ENTREP2: variants seen among roughly 807,000 people sequenced by gnomAD.
The protein encoded by ENTREP2 is endosomal transmembrane epsin interactor 2.
chr15:29,418,418 C>T, the ENTREP2 span, among the ~76,000 whole-genome samples: 1 of 152,098 alleles, frequency 6.6e-6, no homozygotes, highest in East Asian at 1.9e-4. Context: ...AGTACAGAAG[C>T]CATCTTAGAA....
At chr15:29,565,886 G>A in the ENTREP2 span, among the ~76,000 whole-genome samples, 6 of 151,752 alleles carry the variant, frequency 4.0e-5, no homozygotes, top group African/African-American at 1.2e-4. Context: ...GCATGAACCC[G>A]GGAGGCGGAG....
At chr15:29,664,549 G>GT in the ENTREP2 span, among the ~76,000 whole-genome samples, 1 of 152,110 alleles carries the variant, frequency 6.6e-6, no homozygotes, top group Non-Finnish European at 1.5e-5. Context: ...GAAGATGGCA[G>GT]TGTGGGTATG....
chr15:29,422,466 T>C, the ENTREP2 span, among the ~76,000 whole-genome samples: 1 of 152,080 alleles, frequency 6.6e-6, no homozygotes, highest in African/African-American at 2.4e-5. Context: ...ATTCTTGGAC[T>C]TGAATAAAGA....
chr15:29,258,497 GT>G, the ENTREP2 span, among the ~76,000 whole-genome samples: 10 of 150,748 alleles, frequency 6.6e-5, no homozygotes, highest in South Asian at 2.1e-4. Flanking sequence ...CCTGTTTATT[GT>G]TTTTTTTTAA....
At chr15:29,389,612 C>T in the ENTREP2 span, among the ~76,000 whole-genome samples, 3 of 152,172 alleles carry the variant, frequency 2.0e-5, no homozygotes, top group Admixed American at 6.5e-5. Flanking sequence ...CTGTGATGCT[C>T]GAGGGCCTCA....
the ENTREP2 span, among the ~76,000 whole-genome samples, chr15:29,206,638 G>C: frequency 3.3e-5 from 5 of 152,080 alleles, no homozygotes; most frequent in Admixed American, 3.3e-4. Context: ...GACTCAGTCG[G>C]GGACAGGGGC....
the ENTREP2 span, among the ~76,000 whole-genome samples, chr15:29,614,698 T>C: frequency 2.0e-5 from 3 of 152,282 alleles, no homozygotes; most frequent in Admixed American, 1.3e-4. Context: ...AAAACCCAGA[T>C]AATGTGCACC....
At chr15:29,128,051 G>C in the ENTREP2 span, among the ~76,000 whole-genome samples, 1 of 152,226 alleles carries the variant, frequency 6.6e-6, no homozygotes, top group Non-Finnish European at 1.5e-5. Context: ...TAGATGCTGA[G>C]TGAGTGTTCA....
At chr15:29,417,471 C>T in the ENTREP2 span, among the ~76,000 whole-genome samples, 6 of 152,116 alleles carry the variant, frequency 3.9e-5, no homozygotes, top group Admixed American at 3.9e-4. Flanking sequence ...GTAAGGGGAA[C>T]ATCACACACC....
the ENTREP2 span, among the ~76,000 whole-genome samples, chr15:29,665,067 C>G: frequency 0.058 from 8,760 of 152,264 alleles, 737 homozygotes; most frequent in African/African-American, 0.19. Context: ...TGTGCCCACC[C>G]TCCCATCCTC....
At chr15:29,372,305 TA>T in the ENTREP2 span, among the ~76,000 whole-genome samples, 4 of 152,206 alleles carry the variant, frequency 2.6e-5, no homozygotes, top group Non-Finnish European at 5.9e-5. Flanking sequence ...TAATAGTAAA[TA>T]CATTTTCTAT....
the ENTREP2 span, among the ~76,000 whole-genome samples, chr15:29,317,945 G>A: frequency 4.5e-4 from 69 of 152,292 alleles, 2 homozygotes; most frequent in African/African-American, 1.5e-3. Context: ...GCTTTTGCAC[G>A]GTGGCAATGT....
the ENTREP2 span, among the ~76,000 whole-genome samples, chr15:29,271,963 C>T: frequency 6.6e-6 from 1 of 152,086 alleles, no homozygotes; most frequent in Non-Finnish European, 1.5e-5. Context: ...TTTCAGTGCT[C>T]TTTCTTGCTA....
the ENTREP2 span, among the ~76,000 whole-genome samples, chr15:29,226,295 A>T: frequency 6.6e-6 from 1 of 152,322 alleles, no homozygotes; most frequent in East Asian, 1.9e-4. Flanking sequence ...CTTTGCTAGG[A>T]AACTTTGGGG....
At chr15:29,132,287 G>A in the ENTREP2 span, among the ~76,000 whole-genome samples, 96 of 152,300 alleles carry the variant, frequency 6.3e-4, no homozygotes, top group Middle Eastern at 6.8e-3. Flanking sequence ...TGCAGCTGGC[G>A]GCACGGCCTT....
the ENTREP2 span, among the ~76,000 whole-genome samples, chr15:29,410,507 CTCCAG>C: frequency 1.3e-5 from 2 of 151,914 alleles, no homozygotes; most frequent in African/African-American, 2.4e-5. Flanking sequence ...GGTAACTGCA[CTCCAG>C]TCCCCTCAGG....
the ENTREP2 span, among the ~76,000 whole-genome samples, chr15:29,656,035 A>AC: frequency 6.6e-6 from 1 of 151,186 alleles, no homozygotes; most frequent in African/African-American, 2.4e-5. Context: ...AAAAAAAAAA[A>AC]AAAAAAAACA....
the ENTREP2 span, among the ~76,000 whole-genome samples, chr15:29,144,278 A>C: frequency 6.6e-6 from 1 of 152,240 alleles, no homozygotes; most frequent in Non-Finnish European, 1.5e-5. Context: ...CTTTAACTTA[A>C]ATCCTGTATA....
the ENTREP2 span, among the ~76,000 whole-genome samples, chr15:29,422,396 C>T: frequency 1.3e-5 from 2 of 152,192 alleles, no homozygotes; most frequent in Non-Finnish European, 2.9e-5. Context: ...CCTGCCTCTC[C>T]GGGGGCTCAG....
Sources: gnomAD v4.1 joint callset for allele counts (sites outside exome capture counted in the v4.1 genomes callset) on GRCh38, gnomAD v4.1.1 for gene constraint, MANE v1.5 for transcripts, NCBI Gene and HGNC (gene_info 2026-07-23, HGNC 2026-07-21) for gene names.